Variants in ZNF804B observed in about 807,000 individuals in gnomAD.
ZNF804B encodes the protein zinc finger protein 804B, also known as zinc finger 804B.
Under a neutral mutation model 101.4 loss-of-function variants are expected in ZNF804B, and 80 were observed. The ratio of observed to expected loss-of-function variants is 0.79; its 90% CI spans 0.66 to 0.95. The LOEUF (loss-of-function observed/expected upper bound fraction) is 0.95, where lower values mean the gene tolerates loss of function less well. Among genes scored for constraint, ZNF804B ranks in the 40% least tolerant of loss-of-function variants. The pLI is 0.00. For missense variants in ZNF804B, 1,673 were observed against 1,561.9 expected (o/e 1.07, Z -1.20); for synonymous variants, 622 against 558.8 (o/e 1.11, Z -1.59).
chr7:89,021,445 T>C (rs1485676927), intron 1 of ZNF804B, among the ~76,000 whole-genome samples: 2 of 152,190 alleles, frequency 1.3e-5, no homozygotes, highest in Admixed American at 6.5e-5. Context: ...GTCTCAAGGG[T>C]GTGTCCACTG....
intron 1 of ZNF804B, among the ~76,000 whole-genome samples, chr7:88,984,603 C>T (rs778433445): frequency 6.6e-6 from 1 of 151,996 alleles, no homozygotes; most frequent in Non-Finnish European, 1.5e-5. Flanking sequence ...GTGGTCCAGA[C>T]ACAAGTAATA....
rs1309610402 is a variant in ZNF804B at position 89,335,073 on chromosome 7, G to C, written c.2091G>C (p.Lys697Asn). 6.2e-7 allele frequency: 1 copy of C among 1,613,788 alleles called. No individual in the cohort carries two copies. ...CCGGATGTGGAAACCAAAGATACAA[G>C]AGATACTCTCCACAGTCATGTTTGA... The part of the protein sequence containing the change: ...KVSGCGNQRY[K>N]RYSPQSCLSR... The change falls in exon 4 of 4, where the codon AAG (lysine) becomes AAC (asparagine). Residue 697 changes from lysine to asparagine, a missense_variant. By Grantham distance (94) the Lys-to-Asn change is moderately conservative (BLOSUM62 0). Coordinates refer to ENST00000333190, the MANE Select transcript of ZNF804B (RefSeq NM_181646.5).
rs2116012360 is a variant in ZNF804B, at chr7:89,336,852, A to G, written c.3870A>G (p.Ala1290=). 6.2e-7 allele frequency: 1 copy of G among 1,614,048 alleles called. No individual in the cohort carries two copies. The highest frequency in any genetic ancestry group is 8.5e-7 in the Non-Finnish European group (1 of 1,179,992). The change falls in exon 4 of 4, where the codon GCA becomes GCG. Residue 1290 remains alanine, a synonymous_variant. Transcript: ENST00000333190. ...HITLQPLPPT[A]FIPTLFGPHL... Reference sequence around the variant, plus strand: ...CACTTCAGCCTCTGCCCCCTACAGCATTTATTCCTACATTGTTTGGTCCTC... The same window carrying G: ...CACTTCAGCCTCTGCCCCCTACAGCGTTTATTCCTACATTGTTTGGTCCTC...
At chr7:89,165,074 CT>C (rs534655069) in intron 1 of ZNF804B, among the ~76,000 whole-genome samples, 1 of 152,056 alleles carries the variant, frequency 6.6e-6, no homozygotes, top group Non-Finnish European at 1.5e-5. Flanking sequence ...TTGCGTAGAA[CT>C]TTCGGGATTC....
chr7:89,237,153 A>G (rs1789297011), intron 2 of ZNF804B, among the ~76,000 whole-genome samples: 1 of 152,196 alleles, frequency 6.6e-6, no homozygotes, highest in Non-Finnish European at 1.5e-5. Flanking sequence ...AATATAAGGT[A>G]TAATGTAAAC....
At position 89,338,149 on chromosome 7, in the gene ZNF804B, T is replaced by A. The variant is rs1200223227; in HGVS notation, c.*1117T>A. 1.3e-5 allele frequency among the ~76,000 whole-genome samples: 2 copies of A among 152,038 alleles called. No homozygotes were observed. Among genetic ancestry groups the A allele is most frequent in the East Asian group, 3.9e-4 (2 of 5,190 alleles). On this transcript the variant is annotated 3_prime_UTR_variant, in exon 4 of 4. Transcript: ENST00000333190. ...TCTATATTGGTGCATAATCCTACAG[T>A]TAGGTTTATTATTTTATGTTCTTAA...
chr7:89,083,645 G>T (rs1789730094), intron 1 of ZNF804B, among the ~76,000 whole-genome samples: 1 of 151,592 alleles, frequency 6.6e-6, no homozygotes, highest in Non-Finnish European at 1.5e-5. Flanking sequence ...ACTTTGGAAA[G>T]AACTGAAACC....
intron 1 of ZNF804B, among the ~76,000 whole-genome samples, chr7:88,944,120 G>A (rs1040455613): frequency 1.3e-5 from 2 of 151,692 alleles, no homozygotes; most frequent in Non-Finnish European, 2.9e-5. Context: ...AAAAATCCAG[G>A]AGATATTTAT....
rs748741228 is a variant in ZNF804B, at chr7:88,991,370, A to G, written c.109-226785A>G. ...TGTGGTTCCTGTGTAGTACACAACC[A>G]CTGCTGCTGACTTCAGAGATCCTCC... On this transcript the variant is annotated intron_variant, in intron 1 of 3. Transcript: ENST00000333190. Among the ~76,000 whole-genome samples the G allele has an allele frequency of 5.3e-5, 8 of 152,260 alleles. No individual in the cohort carries two copies. The East Asian group carries it at 1.6e-3, about 30-fold the overall frequency.
chr7:89,012,503 A>G (rs531037220), intron 1 of ZNF804B, among the ~76,000 whole-genome samples: 37 of 152,250 alleles, frequency 2.4e-4, no homozygotes, highest in African/African-American at 8.2e-4. Context: ...CTCAAGTTCA[A>G]AATTCCATAA....
intron 1 of ZNF804B, among the ~76,000 whole-genome samples, chr7:88,867,048 T>A (rs1194801518): frequency 2.0e-5 from 3 of 152,100 alleles, no homozygotes; most frequent in Non-Finnish European, 4.4e-5. Flanking sequence ...CTCTTATTAG[T>A]GGAATGATGA....
At chr7:88,915,962 G>A (rs1184384703) in intron 1 of ZNF804B, among the ~76,000 whole-genome samples, 4 of 151,638 alleles carry the variant, frequency 2.6e-5, no homozygotes, top group African/African-American at 9.7e-5. Context: ...TAATTCAAAT[G>A]GCTCCTATAA....
chr7:88,978,203 G>A lies in ZNF804B; in HGVS notation c.108+218119G>A, dbSNP rs532782962. 4.0e-5 allele frequency among the ~76,000 whole-genome samples: 6 copies of A among 151,684 alleles called. No individual in the cohort carries two copies. In the South Asian group the frequency reaches 1.2e-3, roughly 32 times the overall value. ...TGCTGAAGAGACTAATGTGGATTCT[G>A]TAGCCATTGAGTTAAGTGTTCTGTA... On this transcript the variant is annotated intron_variant, in intron 1 of 3. Coordinates refer to ENST00000333190, the MANE Select transcript of ZNF804B (RefSeq NM_181646.5).
chr7:89,268,194 C>G (rs766849395), intron 2 of ZNF804B, among the ~76,000 whole-genome samples: 2 of 152,096 alleles, frequency 1.3e-5, no homozygotes, highest in Non-Finnish European at 2.9e-5. Flanking sequence ...TGACATTATT[C>G]AATGCTGTAT....
At chr7:89,149,266 G>A (rs560599807) in intron 1 of ZNF804B, among the ~76,000 whole-genome samples, 1 of 152,166 alleles carries the variant, frequency 6.6e-6, no homozygotes, top group South Asian at 2.1e-4. Context: ...AACAGAATTT[G>A]AGATGCCACT....
chr7:89,334,321 C>G lies in ZNF804B; in HGVS notation c.1339C>G (p.Gln447Glu). 1 of 1,613,830 alleles carries G rather than the reference C, an allele frequency of 6.2e-7. No individual in the cohort carries two copies. Among genetic ancestry groups the G allele is most frequent in the Non-Finnish European group, 8.5e-7 (1 of 1,179,852 alleles). ...ASKPLPFLHVQSKDGHTTLQW... is the reference protein window; with the variant it reads ...ASKPLPFLHVESKDGHTTLQW... ...TAAACCACTACCTTTTCTCCACGTTCAAAGCAAGGATGGCCACACCACTCT... is the reference window on the plus strand; with the variant it reads ...TAAACCACTACCTTTTCTCCACGTTGAAAGCAAGGATGGCCACACCACTCT... Residue 447 changes from glutamine (Q) to glutamate (E), a missense_variant, in exon 4 of 4, where the codon CAA becomes GAA. By Grantham distance (29) the Gln-to-Glu change is conservative. Coordinates refer to ENST00000333190, the MANE Select transcript of ZNF804B (RefSeq NM_181646.5).
At chr7:89,094,795 G>A (rs1035296735) in intron 1 of ZNF804B, among the ~76,000 whole-genome samples, 6 of 152,016 alleles carry the variant, frequency 3.9e-5, no homozygotes, top group African/African-American at 1.4e-4. Flanking sequence ...CATTACATAT[G>A]GAAATAGACC....
At chr7:89,283,759 T>C (rs909157946) in intron 2 of ZNF804B, among the ~76,000 whole-genome samples, 2 of 152,082 alleles carry the variant, frequency 1.3e-5, no homozygotes. Context: ...ATACAAATTA[T>C]CCTATATATA....
intron 1 of ZNF804B, among the ~76,000 whole-genome samples, chr7:89,159,156 G>T (rs1791020715): frequency 6.6e-6 from 1 of 152,070 alleles, no homozygotes; most frequent in Admixed American, 6.6e-5. Context: ...GTACAAAAAA[G>T]TATCTTAATG....
Sources: gnomAD v4.1 joint callset for allele counts (sites outside exome capture counted in the v4.1 genomes callset) on GRCh38, gnomAD v4.1.1 for gene constraint, MANE v1.5 for transcripts, NCBI Gene and HGNC (gene_info 2026-07-23, HGNC 2026-07-21) for gene names.